FNDC7: variants seen among roughly 807,000 people sequenced by gnomAD.
The protein encoded by FNDC7 is fibronectin type III domain-containing protein 7.
FNDC7 carries 66 observed loss-of-function variants against 74.2 expected under a neutral mutation model. The ratio of observed to expected loss-of-function variants is 0.89; its 90% confidence interval spans 0.73 to 1.09. FNDC7 has a LOEUF of 1.09. Among genes scored for constraint, FNDC7 ranks in the 50% least tolerant of loss-of-function variants. The probability of loss-of-function intolerance (pLI) is 0.00; values close to 1 mark genes in which losing one functional copy is unlikely to be tolerated. For synonymous variants in FNDC7, 307 were observed against 330.2 expected (o/e 0.93, Z 0.76); for missense variants, 829 against 893.4 (o/e 0.93, Z 0.92).
At position 108,728,963 on chromosome 1, in the gene FNDC7, T is replaced by C. The variant is rs138573768; in HGVS notation, c.1624+77T>C. On this transcript the variant is annotated intron_variant, in intron 8 of 12. Coordinates refer to ENST00000370017, the MANE Select transcript of FNDC7 (RefSeq NM_001144937.3). Reference sequence around the variant, plus strand: ...GTGTTTCAAGACATGAACTTCCTTATTTAATCTACCCTCAGTGCAACAGAA... The same window carrying C: ...GTGTTTCAAGACATGAACTTCCTTACTTAATCTACCCTCAGTGCAACAGAA... 4.2e-4 allele frequency: 639 copies of C among 1,538,190 alleles called. 3 individuals are homozygous for C. In the African/African-American group the frequency reaches 7.7e-3, roughly 19 times the overall value.
chr1:108,722,242 A>G, intron 4 of FNDC7, 93 bp from the exon 5 acceptor site: 2 of 1,258,638 alleles, frequency 1.6e-6, no homozygotes, highest in Non-Finnish European at 2.2e-6. Flanking sequence ...ACTATTGGGT[A>G]CCTTATCCTC....
At chr1:108,726,986 C>T (rs1206876478) in intron 6 of FNDC7, among the ~76,000 whole-genome samples, 1 of 152,132 alleles carries the variant, frequency 6.6e-6, no homozygotes, top group African/African-American at 2.4e-5. Context: ...AAACTCCAAG[C>T]TGAGTCAGAC....
At chr1:108,724,563 G>A (rs1162687213) in intron 5 of FNDC7, among the ~76,000 whole-genome samples, 1 of 151,816 alleles carries the variant, frequency 6.6e-6, no homozygotes, top group African/African-American at 2.4e-5. Context: ...AGACTAGCCT[G>A]GGCAACATGG....
Position 108,727,982 on chromosome 1 carries a change from A to T in FNDC7, c.1286A>T (p.Asp429Val). ...TGCACCCTTTCGGCTCTAGAGTGTGACACCAAGTACAACATCACAGTGTAT... is the reference window on the plus strand; with the variant it reads ...TGCACCCTTTCGGCTCTAGAGTGTGTCACCAAGTACAACATCACAGTGTAT... ...PACTLSALEC[D>V]TKYNITVYSF... The change falls in exon 7 of 13, where the codon GAC becomes GTC. Residue 429 changes from aspartate (D) to valine (V), a missense_variant. Asp to Val is a radical substitution (Grantham distance 152). Coordinates refer to ENST00000370017, the MANE Select transcript of FNDC7 (RefSeq NM_001144937.3). The T allele has an allele frequency of 6.2e-7, 1 of 1,614,162 alleles. No homozygotes were observed. The highest frequency in any genetic ancestry group is 8.5e-7 in the Non-Finnish European group (1 of 1,180,016).
At chr1:108,735,879 C>T (rs941126996) in intron 10 of FNDC7, among the ~76,000 whole-genome samples, 3 of 152,160 alleles carry the variant, frequency 2.0e-5, no homozygotes, top group Non-Finnish European at 2.9e-5. Context: ...AATCACTGCT[C>T]AATGCAGCCT....
intron 11 of FNDC7, among the ~76,000 whole-genome samples, chr1:108,738,207 T>G (rs115806322): frequency 2.0e-5 from 3 of 152,068 alleles, no homozygotes; most frequent in Non-Finnish European, 4.4e-5. Context: ...AGAGCTACGA[T>G]GTTTGCTCCT....
At chr1:108,713,399 C>T (rs568144585) in intron 1 of FNDC7, 112 bp from the exon 2 acceptor site, 31 of 875,528 alleles carry the variant, frequency 3.5e-5, no homozygotes, top group African/African-American at 2.8e-4. Context: ...AGACTGCTCA[C>T]GTTAGATGTA....
intron 9 of FNDC7, among the ~76,000 whole-genome samples, chr1:108,731,380 A>G (rs1159146139): frequency 6.6e-6 from 1 of 152,238 alleles, no homozygotes; most frequent in Non-Finnish European, 1.5e-5. Context: ...ACATCTGTCT[A>G]CTGACAGTAT....
chr1:108,725,324 CT>C (rs1661185462), intron 5 of FNDC7, among the ~76,000 whole-genome samples: 1 of 152,058 alleles, frequency 6.6e-6, no homozygotes, highest in Admixed American at 6.5e-5. Flanking sequence ...TGAATGATGT[CT>C]GTATTTTAAT....
At chr1:108,738,798 C>G (rs1661575360) in intron 11 of FNDC7, among the ~76,000 whole-genome samples, 1 of 152,118 alleles carries the variant, frequency 6.6e-6, no homozygotes, top group African/African-American at 2.4e-5. Flanking sequence ...ACCTGCAGGT[C>G]TGAAATAAGC....
chr1:108,722,417 A>C lies in FNDC7; in HGVS notation c.681A>C (p.Gly227=), dbSNP rs186398592. 3.1e-4 allele frequency: 502 copies of C among 1,614,216 alleles called. 2 individuals are homozygous for C. The African/African-American group carries it at 5.6e-3, about 18-fold the overall frequency. Residue 227 remains glycine, a synonymous_variant, in exon 5 of 13, where the codon GGA becomes GGC. Transcript: ENST00000370017. ...KASFSWARAE[G]AFNYTVMALS... ...CTTTTTCCTGGGCACGGGCAGAAGG[A>C]GCTTTCAATTATACTGTGATGGCTT...
At position 108,733,577 on chromosome 1, in the gene FNDC7, A is replaced by G. The variant is rs373998832; in HGVS notation, c.2140+45A>G. On this transcript the variant is annotated intron_variant, in intron 10 of 12. Coordinates refer to ENST00000370017, the MANE Select transcript of FNDC7 (RefSeq NM_001144937.3). ...TTTATCTAAAACTAACCCTGAACTC[A>G]TATCTGTGAATTAAGATGCAATCAA... 15 of 1,569,684 alleles carry G rather than the reference A, an allele frequency of 9.6e-6. No homozygotes were observed. The Admixed American group carries it at 1.4e-4, about 14-fold the overall frequency.
At chr1:108,727,092 G>A (rs753609643) in intron 6 of FNDC7, among the ~76,000 whole-genome samples, 12 of 152,168 alleles carry the variant, frequency 7.9e-5, no homozygotes, top group Non-Finnish European at 1.5e-4. Flanking sequence ...TTGGGAAGCC[G>A]AGGCAGGCAG....
At chr1:108,718,721 G>C (rs1433494473) in intron 3 of FNDC7, 68 bp from the exon 4 acceptor site, 2 of 1,482,976 alleles carry the variant, frequency 1.3e-6, no homozygotes, top group Non-Finnish European at 9.1e-7. Flanking sequence ...CAATTTACTT[G>C]CTTCTAAATT....
Position 108,733,430 on chromosome 1 carries a change from G to A in FNDC7, c.2038G>A (p.Asp680Asn). The A allele has an allele frequency of 6.2e-7, 1 of 1,614,090 alleles. No homozygotes were observed. Among genetic ancestry groups the A allele is most frequent in the Admixed American group, 1.7e-5 (1 of 60,006 alleles). The change falls in exon 10 of 13, where the codon GAT becomes AAT. Residue 680 changes from aspartate (D) to asparagine (N), a missense_variant. By Grantham distance (23) the Asp-to-Asn change is conservative. Coordinates refer to ENST00000370017, the MANE Select transcript of FNDC7 (RefSeq NM_001144937.3). ...CTPSAGLSFCDVTEIPCGDVY... is the reference protein window; with the variant it reads ...CTPSAGLSFCNVTEIPCGDVY... Reference sequence around the variant, plus strand: ...CCCGAGTGCTGGCCTCAGTTTCTGTGATGTCACTGAGATACCCTGTGGGGA... The same window carrying A: ...CCCGAGTGCTGGCCTCAGTTTCTGTAATGTCACTGAGATACCCTGTGGGGA...
intron 5 of FNDC7, 123 bp downstream of exon 5, chr1:108,722,715 A>C: frequency 9.1e-7 from 1 of 1,099,262 alleles, no homozygotes; most frequent in Non-Finnish European, 1.2e-6. Context: ...GTCTAAATGA[A>C]AGCATAGAGT....
chr1:108,731,941 C>G (rs1465395293), intron 9 of FNDC7, among the ~76,000 whole-genome samples: 1 of 152,088 alleles, frequency 6.6e-6, no homozygotes, highest in Non-Finnish European at 1.5e-5. Flanking sequence ...ATCAAGTAAG[C>G]CTGATTATAA....
At chr1:108,713,144 G>A (rs1570720821) in intron 1 of FNDC7, 148 bp downstream of exon 1, 10 of 684,782 alleles carry the variant, frequency 1.5e-5, no homozygotes, top group East Asian at 5.5e-5. Flanking sequence ...ATATGTTTGC[G>A]TGTTTGAAAT....
In FNDC7 at chr1:108,733,443, T is replaced by A; in HGVS notation, c.2051T>A (p.Ile684Lys). 1 of 1,614,102 alleles carries A rather than the reference T, an allele frequency of 6.2e-7. No homozygotes were observed. The change falls in exon 10 of 13, where the codon ATA becomes AAA. Residue 684 changes from isoleucine to lysine, a missense_variant. Transcript: ENST00000370017. ...CTCAGTTTCTGTGATGTCACTGAGA[T>A]ACCCTGTGGGGATGTATACACTGTG... Reference protein sequence around the residue: ...AGLSFCDVTEIPCGDVYTVMV... With the variant: ...AGLSFCDVTEKPCGDVYTVMV...
Sources: gnomAD v4.1 joint callset for allele counts (sites outside exome capture counted in the v4.1 genomes callset) on GRCh38, gnomAD v4.1.1 for gene constraint, MANE v1.5 for transcripts, NCBI Gene and HGNC (gene_info 2026-07-23, HGNC 2026-07-21) for gene names.